GATAD2B: variants seen among roughly 807,000 people sequenced by gnomAD.
GATAD2B encodes the protein transcriptional repressor p66-beta.
A neutral mutation model predicts 64.3 loss-of-function variants in GATAD2B; 8 were observed. That is an observed-to-expected ratio of 0.12 (90% confidence interval 0.07 to 0.22). GATAD2B has a LOEUF of 0.22. Among genes scored for constraint, GATAD2B ranks in the 10% least tolerant of loss-of-function variants. The probability of loss-of-function intolerance (pLI) is 1.00; values close to 1 mark genes in which losing one functional copy is unlikely to be tolerated. For synonymous variants in GATAD2B, 281 were observed against 271.3 expected, an observed-to-expected ratio of 1.04 and a Z score of -0.35; for missense variants, 453 against 752.0, an observed-to-expected ratio of 0.60 and a Z score of 4.65.
At chr1:153,811,653 C>T in intron 10 of GATAD2B, 78 bp downstream of exon 10, 3 of 856,472 alleles carry the variant, frequency 3.5e-6, no homozygotes, top group Non-Finnish European at 4.0e-6. Flanking sequence ...GAACAATTCC[C>T]TTAAAGGGGC....
At chr1:153,815,280 CAAAAAAAAAAAACA>C (rs997865540) in intron 7 of GATAD2B, among the ~76,000 whole-genome samples, 3 of 66,630 alleles carry the variant, frequency 4.5e-5, no homozygotes, top group South Asian at 5.3e-4. Flanking sequence ...CTCAAAAAAA[CAAAAAAAAAAAACA>C]AAAAAAAAAA....
intron 1 of GATAD2B, among the ~76,000 whole-genome samples, chr1:153,916,182 G>A (rs1255952809): frequency 2.0e-5 from 3 of 151,368 alleles, no homozygotes; most frequent in Non-Finnish European, 4.4e-5. Context: ...TCAGGAGGCT[G>A]AAGCAGAACA....
At chr1:153,853,301 C>T (rs912855941) in intron 1 of GATAD2B, 1 of 841,686 alleles carries the variant, frequency 1.2e-6, no homozygotes, top group Admixed American at 1.7e-5. Flanking sequence ...GGACACTGGT[C>T]CTTTGTACTG....
chr1:153,816,295 T>A lies in GATAD2B; in HGVS notation c.1194A>T (p.Val398=), dbSNP rs926257597. The A allele has an allele frequency of 7.4e-6, 12 of 1,612,882 alleles. No individual in the cohort carries two copies. Among genetic ancestry groups the A allele is most frequent in the Middle Eastern group, 1.6e-4 (1 of 6,082 alleles). ...FIYMVGLEEV[V]QSVIDSQGKS... is the part of the protein sequence containing the mutation. ...TACCTTGGCTGTCAATGACACTCTG[T>A]ACGACTTCTTCCAAGCCTACCATGT... The change falls in exon 7 of 11, where the codon GTA becomes GTT. Residue 398 remains valine (V), a synonymous_variant. Coordinates refer to ENST00000368655, the MANE Select transcript of GATAD2B (RefSeq NM_020699.4). The surrounding 1 kb of genome is among the most constrained non-coding windows in gnomAD (Gnocchi z 4.9).
chr1:153,896,590 C>T (rs1193805135), intron 1 of GATAD2B, among the ~76,000 whole-genome samples: 2 of 152,002 alleles, frequency 1.3e-5, no homozygotes, highest in Non-Finnish European at 2.9e-5. Context: ...GCATGCACCA[C>T]CACACCCAGC....
intron 2 of GATAD2B, among the ~76,000 whole-genome samples, chr1:153,825,023 T>A (rs182641744): frequency 2.9e-4 from 44 of 151,700 alleles, no homozygotes; most frequent in Non-Finnish European, 6.0e-4. Flanking sequence ...GAGGTGGAGG[T>A]TGCAGTGAAC....
chr1:153,910,245 C>T (rs1225207147), intron 1 of GATAD2B, among the ~76,000 whole-genome samples: 1 of 152,130 alleles, frequency 6.6e-6, no homozygotes, highest in Non-Finnish European at 1.5e-5. Flanking sequence ...GATTTTCACA[C>T]ACAGATTAGA....
chr1:153,853,105 G>T, intron 1 of GATAD2B: 1 of 1,476,514 alleles, frequency 6.8e-7, no homozygotes, highest in Non-Finnish European at 9.5e-7. Context: ...GCAACAACCT[G>T]AGTTGATGGC....
chr1:153,882,685 CTT>C (rs1394534335), intron 1 of GATAD2B, among the ~76,000 whole-genome samples: 2 of 152,170 alleles, frequency 1.3e-5, no homozygotes, highest in Non-Finnish European at 2.9e-5. Flanking sequence ...AGCTAGAACA[CTT>C]TACTCTTTGC....
chr1:153,879,096 C>A (rs1031033349), intron 1 of GATAD2B, among the ~76,000 whole-genome samples: 5 of 152,116 alleles, frequency 3.3e-5, no homozygotes, highest in African/African-American at 4.8e-5. Flanking sequence ...CAAGCCACCA[C>A]GCCCGGCTAA....
At chr1:153,830,855 C>A (rs1675055518) in intron 1 of GATAD2B, among the ~76,000 whole-genome samples, 2 of 152,128 alleles carry the variant, frequency 1.3e-5, no homozygotes, top group South Asian at 2.1e-4. Flanking sequence ...TAGCTTATTG[C>A]AGCTTCAAAC....
chr1:153,890,493 A>AC (rs1346653051), intron 1 of GATAD2B: 4 of 151,930 alleles, frequency 2.6e-5, no homozygotes, highest in African/African-American at 9.7e-5. Flanking sequence ...GTCTCAAAAA[A>AC]AAAAAAAAAA....
intron 1 of GATAD2B, among the ~76,000 whole-genome samples, chr1:153,834,023 GAC>G (rs1468457935): frequency 6.6e-6 from 1 of 150,596 alleles, no homozygotes; most frequent in African/African-American, 2.4e-5. Flanking sequence ...TTGTTTTTGA[GAC>G]AGAGTCTCAC....
chr1:153,874,636 G>A (rs963995405), intron 1 of GATAD2B, among the ~76,000 whole-genome samples: 4 of 151,982 alleles, frequency 2.6e-5, no homozygotes, highest in African/African-American at 9.7e-5. Flanking sequence ...GAGTGCAGTG[G>A]CGCGATCTCG....
intron 1 of GATAD2B, among the ~76,000 whole-genome samples, chr1:153,832,334 T>C (rs1476520530): frequency 6.6e-6 from 1 of 152,076 alleles, no homozygotes; most frequent in Admixed American, 6.6e-5. Flanking sequence ...ACTGGCAATA[T>C]GGAGAAAGTT....
chr1:153,904,357 A>G (rs1454875555), intron 1 of GATAD2B, among the ~76,000 whole-genome samples: 1 of 151,962 alleles, frequency 6.6e-6, no homozygotes, highest in East Asian at 1.9e-4. Flanking sequence ...CTAATATGAT[A>G]GAAATGGAAA....
chr1:153,904,573 G>A (rs946336294), intron 1 of GATAD2B, among the ~76,000 whole-genome samples: 2 of 152,024 alleles, frequency 1.3e-5, no homozygotes, highest in African/African-American at 4.8e-5. Context: ...ACAGAGTCTC[G>A]CTCTGTCACT....
At chr1:153,818,696 A>C in intron 4 of GATAD2B, 95 bp downstream of exon 4, 1 of 1,097,922 alleles carries the variant, frequency 9.1e-7, no homozygotes, top group South Asian at 1.5e-5. Context: ...CCCAGAGAAG[A>C]AATGAGCCAC....
At chr1:153,827,457 G>GT (rs1674924797) in intron 2 of GATAD2B, 2 of 153,096 alleles carry the variant, frequency 1.3e-5, no homozygotes, top group Admixed American at 6.5e-5. Context: ...TGTTGCATGT[G>GT]TGAGTGAAAG....
Sources: gnomAD v4.1 joint callset for allele counts (sites outside exome capture counted in the v4.1 genomes callset) on GRCh38, gnomAD v4.1.1 for gene constraint, Gnocchi (gnomAD v3.1) non-coding constraint, MANE v1.5 for transcripts, NCBI Gene and HGNC (gene_info 2026-07-23, HGNC 2026-07-21) for gene names.